Variants in CADM2 observed in about 807,000 individuals in gnomAD.
CADM2 encodes the protein immunoglobulin superfamily member 4D.
CADM2 carries 12 observed loss-of-function variants against 49.8 expected under a neutral mutation model. The ratio of observed to expected loss-of-function variants is 0.24; its 90% CI spans 0.15 to 0.39. The LOEUF (loss-of-function observed/expected upper bound fraction) is 0.39, where lower values mean the gene tolerates loss of function less well. Among genes scored for constraint, CADM2 ranks in the 10% least tolerant of loss-of-function variants. The pLI, the probability that CADM2 is intolerant of heterozygous loss-of-function variation, is 1.00. For missense variants in CADM2, 378 were observed against 492.3 expected, an observed-to-expected ratio of 0.77 and a Z score of 2.20; for synonymous variants, 214 against 175.4, an observed-to-expected ratio of 1.22 and a Z score of -1.74.
chr3:86,070,990 G>A lies in CADM2; in HGVS notation c.*4207G>A, dbSNP rs923745417. Reference sequence around the variant, plus strand: ...AAGAATTCTTCAGCAAGATCCAAGAGGTTGCTAATCTTCACCTCTCACATA... The same window carrying A: ...AAGAATTCTTCAGCAAGATCCAAGAAGTTGCTAATCTTCACCTCTCACATA... On this transcript the variant is annotated 3_prime_UTR_variant, in exon 10 of 10. Transcript: ENST00000383699. 3.3e-5 allele frequency: 5 copies of A among 151,824 alleles called. No individual in the cohort carries two copies. The highest frequency in any genetic ancestry group is 1.2e-4 in the African/African-American group (5 of 41,398). The allele number at this position is 151,824 out of a possible 1,614,324, so 9.4% of individuals were successfully genotyped here.
chr3:85,068,333 G>A (rs1449570856), intron 1 of CADM2, among the ~76,000 whole-genome samples: 2 of 152,098 alleles, frequency 1.3e-5, no homozygotes, highest in African/African-American at 2.4e-5. Context: ...GCACACTGAT[G>A]AAACTGAAGG....
At chr3:85,153,992 A>C (rs2040017376) in intron 1 of CADM2, among the ~76,000 whole-genome samples, 1 of 152,146 alleles carries the variant, frequency 6.6e-6, no homozygotes, top group Admixed American at 6.5e-5. Flanking sequence ...ATGGGGAAAA[A>C]ACAGAGCAGA....
intron 1 of CADM2, among the ~76,000 whole-genome samples, chr3:85,408,850 T>A (rs1416502072): frequency 1.3e-5 from 2 of 152,134 alleles, no homozygotes; most frequent in African/African-American, 2.4e-5. Flanking sequence ...CAATAATCTT[T>A]CCATAAAGTT....
intron 1 of CADM2, among the ~76,000 whole-genome samples, chr3:85,386,622 C>T (rs574088394): frequency 1.2e-4 from 19 of 152,134 alleles, no homozygotes; most frequent in Admixed American, 2.0e-4. Context: ...AGTACTTAAA[C>T]CTTGTTGTGG....
chr3:85,873,531 T>C (rs1424100460), intron 3 of CADM2, among the ~76,000 whole-genome samples: 1 of 151,928 alleles, frequency 6.6e-6, no homozygotes, highest in East Asian at 1.9e-4. Context: ...TCAGGCATGG[T>C]GGTGTGTGCC....
At chr3:85,148,828 T>C (rs1313551445) in intron 1 of CADM2, among the ~76,000 whole-genome samples, 57 of 152,290 alleles carry the variant, frequency 3.7e-4, no homozygotes, top group East Asian at 3.9e-4. Context: ...TATAAGCTGA[T>C]ACTAAATATA....
At chr3:85,461,612 G>A (rs1350888741) in intron 1 of CADM2, among the ~76,000 whole-genome samples, 1 of 152,046 alleles carries the variant, frequency 6.6e-6, no homozygotes, top group African/African-American at 2.4e-5. Flanking sequence ...ATCCCAAATT[G>A]TCACAGCAAC....
chr3:85,432,254 C>T (rs777682398), intron 1 of CADM2, among the ~76,000 whole-genome samples: 7 of 151,704 alleles, frequency 4.6e-5, no homozygotes, highest in African/African-American at 9.7e-5. Context: ...AACTTCTAGA[C>T]GCAGCCATAG....
intron 1 of CADM2, among the ~76,000 whole-genome samples, chr3:85,609,727 C>T (rs1302920489): frequency 6.6e-6 from 1 of 152,094 alleles, no homozygotes; most frequent in African/African-American, 2.4e-5. Flanking sequence ...TATGTCTACA[C>T]AGCCAAGGTG....
chr3:85,140,486 T>G (rs1412571047), intron 1 of CADM2, among the ~76,000 whole-genome samples: 1 of 152,182 alleles, frequency 6.6e-6, no homozygotes, highest in Admixed American at 6.5e-5. Flanking sequence ...AATAAATATT[T>G]AAAACACAGC....
intron 1 of CADM2, among the ~76,000 whole-genome samples, chr3:85,600,286 A>G (rs980460124): frequency 2.6e-5 from 4 of 151,944 alleles, no homozygotes; most frequent in African/African-American, 9.7e-5. Flanking sequence ...TTTCAGGTGA[A>G]CTAGCTGAGG....
intron 1 of CADM2, among the ~76,000 whole-genome samples, chr3:85,363,939 G>C (rs1217144066): frequency 1.3e-5 from 2 of 152,164 alleles, no homozygotes; most frequent in African/African-American, 4.8e-5. Flanking sequence ...GTAGACAGTA[G>C]AAGCATTTGA....
At chr3:85,873,031 G>A (rs987288910) in intron 3 of CADM2, among the ~76,000 whole-genome samples, 5 of 152,146 alleles carry the variant, frequency 3.3e-5, no homozygotes, top group African/African-American at 1.2e-4. Context: ...AGAACATGGT[G>A]CTGGCATCTG....
At chr3:85,258,991 TG>T (rs2042952403) in intron 1 of CADM2, among the ~76,000 whole-genome samples, 1 of 152,128 alleles carries the variant, frequency 6.6e-6, no homozygotes, top group African/African-American at 2.4e-5. Context: ...AATGAGATAA[TG>T]GAAACTTTCT....
chr3:86,065,806 G>A, intron 9 of CADM2, 76 bp downstream of exon 9: 1 of 1,421,186 alleles, frequency 7.0e-7, no homozygotes. Context: ...TATGATATCA[G>A]TGCATATATG....
chr3:85,409,289 G>T (rs377752692), intron 1 of CADM2, among the ~76,000 whole-genome samples: 1 of 151,948 alleles, frequency 6.6e-6, no homozygotes, highest in Non-Finnish European at 1.5e-5. Context: ...AATCCCAAAT[G>T]CTCTTTATCA....
chr3:86,023,692 C>G (rs903505690), intron 8 of CADM2, among the ~76,000 whole-genome samples: 3 of 152,090 alleles, frequency 2.0e-5, no homozygotes, highest in Admixed American at 6.6e-5. Flanking sequence ...AAGGATACGT[C>G]TTTGCCTTAC....
rs182799373 is a variant in CADM2, at chr3:85,446,783, G to A, written c.62-279739G>A. On this transcript the variant is annotated intron_variant, in intron 1 of 9. Coordinates refer to ENST00000383699, the MANE Select transcript of CADM2 (RefSeq NM_001167675.2). ...ACACCGAGCTAATTTTGTATTTTTAGTAGAGATGGGGTTTCTCCATGTTGG... is the reference window on the plus strand; with the variant it reads ...ACACCGAGCTAATTTTGTATTTTTAATAGAGATGGGGTTTCTCCATGTTGG... Among the ~76,000 whole-genome samples the A allele has an allele frequency of 5.4e-3, 813 of 149,566 alleles. 2 individuals are homozygous for A. The highest frequency in any genetic ancestry group is 9.9e-3 in the Admixed American group (149 of 14,996).
At chr3:85,795,897 CA>C (rs1553687883) in intron 2 of CADM2, among the ~76,000 whole-genome samples, 1 of 152,142 alleles carries the variant, frequency 6.6e-6, no homozygotes, top group Non-Finnish European at 1.5e-5. Flanking sequence ...GTTGAACTTT[CA>C]GAACAAACTC....
Sources: allele counts gnomAD v4.1 joint callset (sites outside exome capture counted in the v4.1 genomes callset), GRCh38; gene constraint gnomAD v4.1.1; transcripts MANE v1.5; gene names NCBI Gene and HGNC (gene_info 2026-07-23, HGNC 2026-07-21).